KCNAB1: variants seen among roughly 807,000 people sequenced by gnomAD.
KCNAB1 encodes voltage-gated potassium channel subunit beta-1.
A neutral mutation model predicts 64.6 loss-of-function variants in KCNAB1; 35 were observed. The ratio of observed to expected loss-of-function variants is 0.54; its 90% CI spans 0.41 to 0.72. KCNAB1 has a LOEUF of 0.72. Among genes scored for constraint, KCNAB1 ranks in the 30% least tolerant of loss-of-function variants. The pLI is 0.00. For synonymous variants in KCNAB1, 177 were observed against 183.8 expected, an observed-to-expected ratio of 0.96 and a Z score of 0.30; for missense variants, 401 against 512.9, an observed-to-expected ratio of 0.78 and a Z score of 2.11.
chr3:156,222,563 C>G (rs1401551251), intron 1 of KCNAB1, among the ~76,000 whole-genome samples: 1 of 152,096 alleles, frequency 6.6e-6, no homozygotes, highest in Admixed American at 6.5e-5. Flanking sequence ...TAAACTATAC[C>G]CTACAGCAAA....
intron 1 of KCNAB1, among the ~76,000 whole-genome samples, chr3:156,246,568 A>C (rs1386341073): frequency 6.7e-6 from 1 of 149,602 alleles, no homozygotes; most frequent in Non-Finnish European, 1.5e-5. Flanking sequence ...ATGCTACTGC[A>C]CTCCAGCCTG....
chr3:156,205,629 G>C (rs1396882340), intron 1 of KCNAB1, among the ~76,000 whole-genome samples: 1 of 152,098 alleles, frequency 6.6e-6, no homozygotes, highest in Non-Finnish European at 1.5e-5. Context: ...CTAACACCTA[G>C]CTCTCTCCCT....
At chr3:156,492,132 T>C (rs1433711086) in intron 8 of KCNAB1, among the ~76,000 whole-genome samples, 1 of 152,144 alleles carries the variant, frequency 6.6e-6, no homozygotes, top group Non-Finnish European at 1.5e-5. Context: ...AGATACTAAC[T>C]ATGTCACCTC....
chr3:156,494,375 T>G (rs1373228793), intron 8 of KCNAB1, among the ~76,000 whole-genome samples: 1 of 152,066 alleles, frequency 6.6e-6, no homozygotes, highest in Non-Finnish European at 1.5e-5. Context: ...GCTGCCAGTG[T>G]TTCCCTAGAC....
intron 1 of KCNAB1, among the ~76,000 whole-genome samples, chr3:156,202,232 G>A (rs1714379877): frequency 6.6e-6 from 1 of 152,200 alleles, no homozygotes; most frequent in African/African-American, 2.4e-5. Context: ...TCAAGTGTCT[G>A]TCATGGTTGA....
intron 12 of KCNAB1, among the ~76,000 whole-genome samples, chr3:156,527,203 G>A (rs1359057054): frequency 1.3e-5 from 2 of 152,148 alleles, no homozygotes; most frequent in Admixed American, 6.5e-5. Context: ...GCTTTAACAA[G>A]CACAGTAAAA....
chr3:156,224,439 G>T (rs183395498), intron 1 of KCNAB1, among the ~76,000 whole-genome samples: 31 of 152,370 alleles, frequency 2.0e-4, no homozygotes, highest in African/African-American at 7.5e-4. Context: ...CCGAGGAGGC[G>T]CCAAGAGCAA....
At chr3:156,536,590 T>A in intron 13 of KCNAB1, 68 bp from the exon 14 acceptor site, 1 of 1,068,444 alleles carries the variant, frequency 9.4e-7, no homozygotes, top group Middle Eastern at 2.0e-4. Flanking sequence ...TTGCTAAATA[T>A]AGAGCACAAA....
chr3:156,274,363 A>G (rs1159334868), intron 1 of KCNAB1, among the ~76,000 whole-genome samples: 3 of 152,232 alleles, frequency 2.0e-5, no homozygotes, highest in African/African-American at 7.2e-5. Context: ...CATGGTTAAG[A>G]GAAATTACCT....
At chr3:156,531,260 CAGGTTTTTA>C in intron 12 of KCNAB1, 140 bp from the exon 13 acceptor site, 1 of 702,104 alleles carries the variant, frequency 1.4e-6, no homozygotes, top group Non-Finnish European at 2.6e-6. Context: ...GGGTGCTGCT[CAGGTTTTTA>C]ATCCTAGGAA....
chr3:156,444,318 T>G (rs1033314324), intron 2 of KCNAB1, among the ~76,000 whole-genome samples: 5 of 152,168 alleles, frequency 3.3e-5, no homozygotes, highest in Non-Finnish European at 5.9e-5. Flanking sequence ...CAGCTGCAGC[T>G]CATATCTGCA....
At chr3:156,383,629 C>T (rs1419609579) in intron 1 of KCNAB1, among the ~76,000 whole-genome samples, 2 of 152,164 alleles carry the variant, frequency 1.3e-5, no homozygotes, top group Non-Finnish European at 1.5e-5. Context: ...CTCCTCACCC[C>T]ACCCTGATAC....
In KCNAB1 at chr3:156,536,647, C is replaced by T. The variant is rs1216629075; in HGVS notation, c.1171-11C>T. ...TAACAATATCCTTTGTACTTCTCCT[C>T]CTGCTCTCAGGTTCTCCCAAAGATG... On this transcript the variant is annotated splice_polypyrimidine_tract_variant and intron_variant, in intron 13 of 13. Coordinates refer to ENST00000490337, the MANE Select transcript of KCNAB1 (RefSeq NM_172160.3). 6.3e-7 allele frequency: 1 copy of T among 1,584,688 alleles called. No individual in the cohort carries two copies. Among genetic ancestry groups the T allele is most frequent in the East Asian group, 2.2e-5 (1 of 44,758 alleles).
intron 1 of KCNAB1, among the ~76,000 whole-genome samples, chr3:156,343,012 A>G (rs1371327239): frequency 5.3e-5 from 8 of 152,216 alleles, no homozygotes; most frequent in African/African-American, 1.9e-4. Context: ...TAGGTAACAT[A>G]ATATGAACAG....
intron 1 of KCNAB1, among the ~76,000 whole-genome samples, chr3:156,210,557 T>C (rs924883948): frequency 6.6e-6 from 1 of 152,230 alleles, no homozygotes; most frequent in African/African-American, 2.4e-5. Flanking sequence ...ATGCAAAAGA[T>C]AATTATTGAT....
chr3:156,178,984 C>G (rs989672849), intron 1 of KCNAB1, among the ~76,000 whole-genome samples: 5 of 128,372 alleles, frequency 3.9e-5, no homozygotes, highest in Non-Finnish European at 7.8e-5. Flanking sequence ...CTGGGAGACA[C>G]AGCGAGACTC....
chr3:156,500,709 ACCTACAGAGTAGGTTAATTT>A (rs983158462), intron 8 of KCNAB1, among the ~76,000 whole-genome samples: 1 of 152,130 alleles, frequency 6.6e-6, no homozygotes, highest in Non-Finnish European at 1.5e-5. Flanking sequence ...TATCAAATAA[ACCTACAGAGTAGGTTAATTT>A]CCTTATTTAT....
At chr3:156,357,228 T>A (rs1190417364) in intron 1 of KCNAB1, among the ~76,000 whole-genome samples, 2 of 152,102 alleles carry the variant, frequency 1.3e-5, no homozygotes, top group African/African-American at 2.4e-5. Flanking sequence ...ACTGGATAGA[T>A]GTCTGGTGCT....
intron 1 of KCNAB1, among the ~76,000 whole-genome samples, chr3:156,373,053 C>T (rs371498752): frequency 1.5e-4 from 23 of 152,176 alleles, no homozygotes; most frequent in Non-Finnish European, 3.1e-4. Context: ...AAATTATAAA[C>T]GGCATTATAA....
Sources: allele counts gnomAD v4.1 joint callset (sites outside exome capture counted in the v4.1 genomes callset), GRCh38; gene constraint gnomAD v4.1.1; transcripts MANE v1.5; gene names NCBI Gene and HGNC (gene_info 2026-07-23, HGNC 2026-07-21).